Variants in NUDT3 observed in about 807,000 individuals in gnomAD.
NUDT3 encodes the protein nudix hydrolase 3.
A neutral mutation model predicts 23.6 loss-of-function variants in NUDT3; 9 were observed. That is an observed-to-expected ratio of 0.38 (90% confidence interval 0.23 to 0.66). NUDT3 has a LOEUF of 0.66. Ranked by LOEUF, NUDT3 falls within the 30% of genes least tolerant of loss-of-function variation. The probability of loss-of-function intolerance (pLI) is 0.52; values close to 1 mark genes in which losing one functional copy is unlikely to be tolerated. For missense variants in NUDT3, 172 were observed against 218.5 expected (o/e 0.79, Z 1.34); for synonymous variants, 86 against 82.6 (o/e 1.04, Z -0.22).
chr6:34,296,028 G>A (rs944846224), intron 2 of NUDT3, among the ~76,000 whole-genome samples: 9 of 152,236 alleles, frequency 5.9e-5, no homozygotes, highest in Non-Finnish European at 1.3e-4. Context: ...GCCACTCTGG[G>A]AGGCTGAATT....
At chr6:34,341,199 T>G (rs1170038117) in intron 2 of NUDT3, among the ~76,000 whole-genome samples, 3 of 152,112 alleles carry the variant, frequency 2.0e-5, no homozygotes, top group Non-Finnish European at 4.4e-5. Context: ...AAATAATAGT[T>G]CGTTTCTCTG....
intron 1 of NUDT3, among the ~76,000 whole-genome samples, chr6:34,375,127 G>A (rs1472125258): frequency 6.6e-6 from 1 of 152,126 alleles, no homozygotes; most frequent in Non-Finnish European, 1.5e-5. Context: ...CGGATCACCC[G>A]AGGTCAGGAG....
chr6:34,281,914 C>T lies in NUDT3; in HGVS notation c.*6839G>A, dbSNP rs1325989705. ...ACTCCCTCATGTTCTTGGGAGGACA[C>T]AAGCCTCTTGCTCATTAAGCAAAGG... On this transcript the variant is annotated 3_prime_UTR_variant, in exon 5 of 5. Coordinates refer to ENST00000607016, the MANE Select transcript of NUDT3 (RefSeq NM_006703.4). 1 of 152,222 alleles carries T rather than the reference C, an allele frequency of 6.6e-6. No homozygotes were observed. The highest frequency in any genetic ancestry group is 2.4e-5 in the African/African-American group (1 of 41,448). The allele number at this position is 152,222 out of a possible 1,614,324, so 9.4% of individuals were successfully genotyped here.
At chr6:34,371,915 C>T (rs1764837398) in intron 1 of NUDT3, among the ~76,000 whole-genome samples, 1 of 152,102 alleles carries the variant, frequency 6.6e-6, no homozygotes, top group Admixed American at 6.6e-5. Context: ...TACAACAGGC[C>T]CCGGTGTGTG....
intron 2 of NUDT3, among the ~76,000 whole-genome samples, chr6:34,330,669 T>C (rs1216103641): frequency 1.3e-5 from 2 of 151,892 alleles, no homozygotes; most frequent in African/African-American, 4.8e-5. Context: ...TGGTGGTGCA[T>C]GCTTACTTGT....
intron 1 of NUDT3, among the ~76,000 whole-genome samples, chr6:34,364,769 C>T (rs954745078): frequency 2.0e-5 from 3 of 152,186 alleles, no homozygotes; most frequent in African/African-American, 7.2e-5. Flanking sequence ...TGCGGTGGCT[C>T]ACACCTGTAA....
rs147423545 is a variant in NUDT3, at chr6:34,340,285, G to C, written c.210+1577C>G. 4.1e-3 allele frequency among the ~76,000 whole-genome samples: 619 copies of C among 152,286 alleles called. 2 individuals carry two copies. Among genetic ancestry groups the C allele is most frequent in the Non-Finnish European group, 6.6e-3 (450 of 68,028 alleles). ...TCTTATTATGCGATATAATAAGCCT[G>C]TTACAGAACAGTAAGGGGCATAATA... is the stretch of plus-strand genomic sequence containing the variant. On this transcript the variant is annotated intron_variant, in intron 2 of 4. Transcript: ENST00000607016.
intron 2 of NUDT3, among the ~76,000 whole-genome samples, chr6:34,301,344 A>G (rs2113701322): frequency 6.6e-6 from 1 of 152,346 alleles, no homozygotes; most frequent in South Asian, 2.1e-4. Context: ...CTTTGACATT[A>G]ATTCTGCAGC....
At chr6:34,382,533 T>C (rs1468033389) in intron 1 of NUDT3, among the ~76,000 whole-genome samples, 4 of 152,064 alleles carry the variant, frequency 2.6e-5, no homozygotes, top group African/African-American at 9.7e-5. Flanking sequence ...TGGTTAGGTA[T>C]AGTGGCTCAC....
chr6:34,391,570 A>G (rs931947156), intron 1 of NUDT3, among the ~76,000 whole-genome samples: 1 of 152,230 alleles, frequency 6.6e-6, no homozygotes, highest in African/African-American at 2.4e-5. Context: ...CGTCAGGGCA[A>G]AAATGTTAAA....
chr6:34,305,379 A>G (rs976049913), intron 2 of NUDT3, among the ~76,000 whole-genome samples: 2 of 152,174 alleles, frequency 1.3e-5, no homozygotes, highest in Non-Finnish European at 2.9e-5. Flanking sequence ...TAACATTCTT[A>G]TAATTTAAAA....
chr6:34,392,268 T>G lies in NUDT3; in HGVS notation c.95A>C (p.Glu32Ala). 1 of 1,595,668 alleles carries G rather than the reference T, an allele frequency of 6.3e-7. No individual in the cohort carries two copies. The highest frequency in any genetic ancestry group is 8.5e-7 in the Non-Finnish European group (1 of 1,175,148). Residue 32 changes from glutamate (E) to alanine (A), a missense_variant, in exon 1 of 5, where the codon GAG becomes GCG. Around this residue, in one of 3 missense-constraint regions of NUDT3, gnomAD observed 50 missense variants for 46.2 expected, o/e 1.08. Transcript: ENST00000607016. ...ACLCFRSESE[E>A]EVLLVSSSRH... is the part of the protein sequence containing the mutation. ...CCGCCCAGCCTGCCGCCTCACCTCC[T>G]CCTCGCTCTCGCTGCGGAAACACAG...
intron 2 of NUDT3, among the ~76,000 whole-genome samples, chr6:34,306,823 G>C (rs1561901649): frequency 2.0e-5 from 3 of 152,182 alleles, no homozygotes; most frequent in Non-Finnish European, 2.9e-5. Flanking sequence ...TTGTTAAAAA[G>C]TGGTTAAAAA....
intron 2 of NUDT3, among the ~76,000 whole-genome samples, chr6:34,305,834 C>A (rs1459676473): frequency 6.6e-6 from 1 of 152,112 alleles, no homozygotes; most frequent in Admixed American, 6.6e-5. Context: ...CTCTTTCAAG[C>A]TGGCTCTGTT....
chr6:34,339,464 C>T (rs934219203), intron 2 of NUDT3, among the ~76,000 whole-genome samples: 1 of 152,138 alleles, frequency 6.6e-6, no homozygotes, highest in African/African-American at 2.4e-5. Context: ...TCAAAATCAC[C>T]AGAGGTCCTA....
chr6:34,367,508 G>T (rs12662905), intron 1 of NUDT3, among the ~76,000 whole-genome samples: 35,125 of 150,222 alleles, frequency 0.23, 6,477 homozygotes, highest in East Asian at 0.47. Context: ...AAAAAAAAAT[G>T]TAATAAATAA....
At chr6:34,325,405 C>T (rs1414763683) in intron 2 of NUDT3, among the ~76,000 whole-genome samples, 2 of 152,120 alleles carry the variant, frequency 1.3e-5, no homozygotes, top group Admixed American at 1.3e-4. Flanking sequence ...GAGATAAGGT[C>T]TCCCTTTGTT....
At position 34,285,533 on chromosome 6, in the gene NUDT3, G is replaced by C. The variant is rs1763324035; in HGVS notation, c.*3220C>G. 6.6e-6 allele frequency: 1 copy of C among 152,206 alleles called. No individual in the cohort carries two copies. The highest frequency in any genetic ancestry group is 1.5e-5 in the Non-Finnish European group (1 of 68,042). The allele number at this position is 152,206 out of a possible 1,614,324, so 9.4% of individuals were successfully genotyped here. On this transcript the variant is annotated 3_prime_UTR_variant, in exon 5 of 5. Coordinates refer to ENST00000607016, the MANE Select transcript of NUDT3 (RefSeq NM_006703.4). ...ACTGTGAGCGAGAGGCTAGGGATCT[G>C]CCCTAAACATAGGAACCTGTTTCTA...
At chr6:34,305,265 T>C (rs536439391) in intron 2 of NUDT3, among the ~76,000 whole-genome samples, 20 of 152,254 alleles carry the variant, frequency 1.3e-4, no homozygotes, top group African/African-American at 4.8e-4. Flanking sequence ...TATAGGCGTG[T>C]GAGCCACCAC....
Sources: gnomAD v4.1 joint callset for allele counts (sites outside exome capture counted in the v4.1 genomes callset) on GRCh38, gnomAD v4.1.1 for gene constraint, gnomAD v4.1.1 regional missense constraint, MANE v1.5 for transcripts, NCBI Gene and HGNC (gene_info 2026-07-23, HGNC 2026-07-21) for gene names.